The following TM4SF20 variants were observed in gnomAD, a reference collection of about 807,000 sequenced individuals.
The protein encoded by TM4SF20 is transmembrane 4 L six family member 20.
TM4SF20 carries 13 observed loss-of-function variants against 15.1 expected under a neutral mutation model. The observed-to-expected ratio is 0.86, with a 90% CI of 0.56 to 1.36. The LOEUF is 1.36. Ranked by LOEUF, TM4SF20 falls within the 40% of genes most tolerant of loss-of-function variation. The pLI is 0.00. For missense variants in TM4SF20, 282 were observed against 268.4 expected (o/e 1.05, Z -0.35); for synonymous variants, 92 against 96.6 (o/e 0.95, Z 0.28).
chr2:227,367,676 C>T (rs2076399749), intron 2 of TM4SF20, among the ~76,000 whole-genome samples: 1 of 152,130 alleles, frequency 6.6e-6, no homozygotes, highest in South Asian at 2.1e-4. Context: ...TGAGACCTGC[C>T]TTTTATGAGT....
Position 227,365,359 on chromosome 2 carries a change from A to AT in TM4SF20, c.401+733dup, listed in dbSNP as rs1304219034. Among the ~76,000 whole-genome samples, 7 of 152,362 alleles carry AT rather than the reference A, an allele frequency of 4.6e-5. No individual in the cohort carries two copies. The South Asian group carries it at 1.2e-3, about 27-fold the overall frequency. ...GGTTATTTGCTAAACTGAGCAGGCTATACAGAGAGGTAATGGATTAGATAG... is the reference window on the plus strand; with the variant it reads ...GGTTATTTGCTAAACTGAGCAGGCTATTACAGAGAGGTAATGGATTAGATAG... On this transcript the variant is annotated intron_variant, in intron 3 of 3. Coordinates refer to ENST00000304568, the MANE Select transcript of TM4SF20 (RefSeq NM_024795.4).
At chr2:227,373,703 G>T (rs2076432238) in intron 1 of TM4SF20, among the ~76,000 whole-genome samples, 1 of 152,022 alleles carries the variant, frequency 6.6e-6, no homozygotes, top group South Asian at 2.1e-4. Context: ...AGCCAAGGTG[G>T]GCGGATCACG....
Position 227,370,898 on chromosome 2 carries a change from G to A in TM4SF20, c.249+17C>T, listed in dbSNP as rs374654360. 1.9e-5 allele frequency: 31 copies of A among 1,612,088 alleles called. 1 individual carries two copies. In the Middle Eastern group the frequency reaches 8.2e-4, roughly 43 times the overall value. ...GTTCATGCACTTCTGCTTCCACGCC[G>A]ACTGCTTCATACTTACTCCAGTTCT... is the stretch of plus-strand genomic sequence containing the variant. On this transcript the variant is annotated intron_variant, in intron 2 of 3. Transcript: ENST00000304568.
intron 2 of TM4SF20, 152 bp from the exon 3 acceptor site, chr2:227,366,396 G>A: frequency 1.6e-6 from 1 of 635,628 alleles, no homozygotes; most frequent in Non-Finnish European, 2.7e-6. Context: ...GATACAAAAA[G>A]GCAGAGGGCA....
At position 227,368,017 on chromosome 2, in the gene TM4SF20, C is replaced by CTTTT. The variant is rs748891185; in HGVS notation, c.250-1774_250-1773insAAAA. On this transcript the variant is annotated intron_variant, in intron 2 of 3. Coordinates refer to ENST00000304568, the MANE Select transcript of TM4SF20 (RefSeq NM_024795.4). ...TGCCATGGTGTTTATTTTTAACCAT[C>CTTTT]TATTTTTTTTTTTTTTTTTTTTTGG... Among the ~76,000 whole-genome samples the CTTTT allele has an allele frequency of 2.0e-4, 23 of 116,684 alleles. 1 individual carries two copies. The highest frequency in any genetic ancestry group is 2.7e-4 in the South Asian group (1 of 3,670). 76.5% of individuals were successfully genotyped at this position (116,684 alleles called of 152,430 possible).
At chr2:227,379,472 G>C, upstream of TM4SF20, 1 of 453,044 alleles carries the variant, frequency 2.2e-6, no homozygotes, top group East Asian at 3.3e-5. Context: ...TGAGGTGAAG[G>C]AAGGAAAGCA....
upstream of TM4SF20, among the ~76,000 whole-genome samples, chr2:227,380,913 C>A (rs573644969): frequency 6.6e-6 from 1 of 152,200 alleles, no homozygotes; most frequent in South Asian, 2.1e-4. Context: ...CTAGGGGGTC[C>A]AGTTACTGGA....
intron 3 of TM4SF20, among the ~76,000 whole-genome samples, chr2:227,364,438 G>T (rs967227826): frequency 5.4e-5 from 8 of 149,136 alleles, no homozygotes; most frequent in Admixed American, 1.3e-4. Context: ...CTACAGCGTG[G>T]CGTCCGTTCT....
At chr2:227,370,262 C>A (rs551576717) in intron 2 of TM4SF20, among the ~76,000 whole-genome samples, 6 of 152,204 alleles carry the variant, frequency 3.9e-5, no homozygotes, top group Non-Finnish European at 8.8e-5. Context: ...TTTATATACG[C>A]CACAAAAATA....
chr2:227,373,586 G>A (rs2076431443), intron 1 of TM4SF20, among the ~76,000 whole-genome samples: 1 of 152,130 alleles, frequency 6.6e-6, no homozygotes, highest in Admixed American at 6.5e-5. Flanking sequence ...TCACATCCAT[G>A]TATTTACATA....
At chr2:227,377,756 C>A (rs1417931680) in intron 1 of TM4SF20, among the ~76,000 whole-genome samples, 1 of 151,784 alleles carries the variant, frequency 6.6e-6, no homozygotes, top group Non-Finnish European at 1.5e-5. Flanking sequence ...CACTTGTAAG[C>A]GGGAGGTAAA....
At chr2:227,376,682 A>T (rs1451454079) in intron 1 of TM4SF20, among the ~76,000 whole-genome samples, 2 of 152,222 alleles carry the variant, frequency 1.3e-5, no homozygotes, top group African/African-American at 2.4e-5. Flanking sequence ...TCTTTCTGTG[A>T]CTCAGTTTCC....
At chr2:227,379,564 G>A (rs1286629963), upstream of TM4SF20, among the ~76,000 whole-genome samples, 1 of 152,126 alleles carries the variant, frequency 6.6e-6, no homozygotes, top group Non-Finnish European at 1.5e-5. Flanking sequence ...TATTAGTATG[G>A]CTTCTAAAAA....
Position 227,366,211 on chromosome 2 carries a change from CTG to C in TM4SF20, c.281_282del (p.Thr94SerfsTer23), listed in dbSNP as rs2076392136. 6.2e-7 allele frequency: 1 copy of C among 1,613,140 alleles called. No individual in the cohort carries two copies. Among genetic ancestry groups the C allele is most frequent in the African/African-American group, 1.3e-5 (1 of 74,982 alleles). ...AGCATGCAATACAGAGCACCAATGACTGTGATCACACTGAAAAGTGATGAAAG... is the reference window on the plus strand; with the variant it reads ...AGCATGCAATACAGAGCACCAATGACTGATCACACTGAAAAGTGATGAAAG... The part of the protein sequence containing the change: ...MFLSSLFSVI[T>X]VIGALYCMLI... On this transcript the variant is annotated frameshift_variant, in exon 3 of 4. Coordinates refer to ENST00000304568, the MANE Select transcript of TM4SF20 (RefSeq NM_024795.4). LOFTEE classifies it high-confidence loss of function.
chr2:227,379,346 G>A, upstream of TM4SF20: 1 of 1,322,162 alleles, frequency 7.6e-7, no homozygotes, highest in African/African-American at 1.5e-5. Flanking sequence ...CCAATCTTCT[G>A]GTTAAAATTT....
chr2:227,373,948 A>T (rs2076434110), intron 1 of TM4SF20, among the ~76,000 whole-genome samples: 1 of 142,794 alleles, frequency 7.0e-6, no homozygotes, highest in African/African-American at 2.5e-5. Context: ...AAAAAAAAAT[A>T]TGTGGAAGAG....
intron 2 of TM4SF20, among the ~76,000 whole-genome samples, chr2:227,368,335 T>TTATATATATATATATATA (rs61382561): frequency 5.7e-5 from 7 of 122,704 alleles, no homozygotes; most frequent in Non-Finnish European, 8.5e-5. Flanking sequence ...CATCTATTAT[T>TTATATATATATATATATA]TATATATATA....
chr2:227,376,350 TATAAAGGAC>T (rs1162100879), intron 1 of TM4SF20, among the ~76,000 whole-genome samples: 9 of 146,256 alleles, frequency 6.2e-5, no homozygotes, highest in Non-Finnish European at 9.3e-5. Flanking sequence ...TCATGGATAT[TATAAAGGAC>T]ATATTAATAA....
Position 227,370,877 on chromosome 2 carries a change from A to C in TM4SF20, c.249+38T>G, listed in dbSNP as rs1312815305. On this transcript the variant is annotated intron_variant, in intron 2 of 3. Transcript: ENST00000304568. Reference sequence around the variant, plus strand: ...TTTGCTTAGGTAGCAATAACTGTTCATGCACTTCTGCTTCCACGCCGACTG... The same window carrying C: ...TTTGCTTAGGTAGCAATAACTGTTCCTGCACTTCTGCTTCCACGCCGACTG... 3.2e-6 allele frequency: 5 copies of C among 1,586,872 alleles called. No individual in the cohort carries two copies. In the Admixed American group the frequency reaches 5.0e-5, roughly 16 times the overall value.
Sources: allele counts gnomAD v4.1 joint callset (sites outside exome capture counted in the v4.1 genomes callset), GRCh38; gene constraint gnomAD v4.1.1; transcripts MANE v1.5; gene names NCBI Gene and HGNC (gene_info 2026-07-23, HGNC 2026-07-21).